Variants in SOHLH2 observed in about 807,000 individuals in gnomAD.
SOHLH2 encodes spermatogenesis and oogenesis specific basic helix-loop-helix 2.
Under a neutral mutation model 50.4 loss-of-function variants are expected in SOHLH2, and 22 were observed. The ratio of observed to expected loss-of-function variants is 0.44; its 90% confidence interval spans 0.31 to 0.62. The LOEUF is 0.62. Among genes scored for constraint, SOHLH2 ranks in the 20% least tolerant of loss-of-function variants. The pLI is 0.08. For synonymous variants in SOHLH2, 185 were observed against 187.3 expected (o/e 0.99, Z 0.10); for missense variants, 412 against 504.4 (o/e 0.82, Z 1.76).
At chr13:36,183,201 C>T in intron 6 of SOHLH2, 1 of 351,936 alleles carries the variant, frequency 2.8e-6, no homozygotes, top group South Asian at 2.2e-5. Context: ...GTACAGCCTG[C>T]AGAATCACGA....
intron 6 of SOHLH2, among the ~76,000 whole-genome samples, chr13:36,188,723 G>A (rs1887495150): frequency 6.6e-6 from 1 of 152,116 alleles, no homozygotes; most frequent in Non-Finnish European, 1.5e-5. Flanking sequence ...AACTCTTTGT[G>A]TTCCCCATGG....
rs1887583622 is a variant in SOHLH2, at chr13:36,191,853, G to A, written c.472C>T (p.Pro158Ser). 45 of 1,613,876 alleles carry A rather than the reference G, an allele frequency of 2.8e-5. No homozygotes were observed. The East Asian group carries it at 1.0e-3, about 36-fold the overall frequency. The change falls in exon 5 of 11, where the codon CCC becomes TCC. Residue 158 changes from proline to serine, a missense_variant. Transcript: ENST00000379881. The stretch of plus-strand genomic sequence containing the variant: ...TGTTCGCTGTAGGACCTCTGCAGGG[G>A]CAATCCAAGTTCTTCAGGCCCAGTT... ...NATGPEELGLPLQRSYSEHLG... is the reference protein window; with the variant it reads ...NATGPEELGLSLQRSYSEHLG...
At chr13:36,207,399 A>G (rs1269202755) in intron 1 of SOHLH2, among the ~76,000 whole-genome samples, 1 of 151,908 alleles carries the variant, frequency 6.6e-6, no homozygotes, top group Non-Finnish European at 1.5e-5. Flanking sequence ...TGAAATCCCT[A>G]ATTTTTATAC....
chr13:36,182,285 A>G, intron 6 of SOHLH2: 8 of 985,408 alleles, frequency 8.1e-6, no homozygotes, highest in Non-Finnish European at 9.6e-6. Context: ...CAAGAATCTG[A>G]AATTTGGGTT....
At chr13:36,188,356 C>T (rs990289952) in intron 6 of SOHLH2, among the ~76,000 whole-genome samples, 1 of 152,276 alleles carries the variant, frequency 6.6e-6, no homozygotes, top group Non-Finnish European at 1.5e-5. Flanking sequence ...TTCAAAACTT[C>T]TTTCTCTCTC....
intron 1 of SOHLH2, 100 bp downstream of exon 1, chr13:36,214,379 G>A (rs1408236069): frequency 7.1e-7 from 1 of 1,409,114 alleles, no homozygotes; most frequent in Non-Finnish European, 9.7e-7. Context: ...CCGACAATGA[G>A]AGCTCCCCAG....
At chr13:36,201,850 G>C in intron 2 of SOHLH2, 29 bp downstream of exon 2, 1 of 1,610,382 alleles carries the variant, frequency 6.2e-7, no homozygotes, top group South Asian at 1.1e-5. Flanking sequence ...TGATTCTAAA[G>C]ATACAGCATC....
At chr13:36,208,041 G>C (rs1868888454) in intron 1 of SOHLH2, among the ~76,000 whole-genome samples, 1 of 152,166 alleles carries the variant, frequency 6.6e-6, no homozygotes, top group Admixed American at 6.5e-5. Flanking sequence ...ACACTCAATG[G>C]AAAGGGACTA....
intron 1 of SOHLH2, among the ~76,000 whole-genome samples, chr13:36,204,885 T>C (rs1374236198): frequency 6.6e-6 from 1 of 152,192 alleles, no homozygotes; most frequent in African/African-American, 2.4e-5. Context: ...TAAATCTCCG[T>C]ATTTAGGAAG....
At chr13:36,199,795 T>A (rs1051685439) in intron 2 of SOHLH2, among the ~76,000 whole-genome samples, 2 of 152,172 alleles carry the variant, frequency 1.3e-5, no homozygotes, top group East Asian at 3.9e-4. Context: ...CACTCTTATC[T>A]TGTTCAAAAG....
chr13:36,178,937 C>T (rs1051737848), intron 6 of SOHLH2, among the ~76,000 whole-genome samples: 3 of 150,940 alleles, frequency 2.0e-5, no homozygotes, highest in African/African-American at 4.9e-5. Flanking sequence ...TATAAAATAC[C>T]ATTGATTTTT....
intron 6 of SOHLH2, among the ~76,000 whole-genome samples, chr13:36,186,429 C>T (rs1022492502): frequency 7.9e-5 from 12 of 152,156 alleles, no homozygotes; most frequent in Middle Eastern, 3.2e-3. Flanking sequence ...CTCAAACAAA[C>T]AAGGACTCAC....
At chr13:36,189,890 C>A in intron 6 of SOHLH2, 56 bp downstream of exon 6, 5 of 1,471,070 alleles carry the variant, frequency 3.4e-6, no homozygotes, top group Non-Finnish European at 4.6e-6. Flanking sequence ...TTATAAAATT[C>A]ATTAATTTCT....
intron 2 of SOHLH2, among the ~76,000 whole-genome samples, chr13:36,196,097 A>AAGACAGATAGAT (rs1555245207): frequency 6.9e-6 from 1 of 145,656 alleles, no homozygotes; most frequent in Admixed American, 6.9e-5. Flanking sequence ...GACAGACAGA[A>AAGACAGATAGAT]AGATAGATAG....
At chr13:36,190,788 T>C (rs901217706) in intron 5 of SOHLH2, among the ~76,000 whole-genome samples, 1 of 152,244 alleles carries the variant, frequency 6.6e-6, no homozygotes, top group East Asian at 1.9e-4. Flanking sequence ...TTCCAAAACC[T>C]TTCCCAACCC....
In SOHLH2 at chr13:36,204,712, GA is replaced by G. The variant is rs1362915174; in HGVS notation, c.49-2620del. Among the ~76,000 whole-genome samples the G allele has an allele frequency of 8.5e-5, 13 of 152,212 alleles. No homozygotes were observed. The East Asian group carries it at 2.5e-3, about 29-fold the overall frequency. ...CTCTTTATAGTGTGTTTTGATATTTGACAGAGCATGTTTCCCTGTTATTTTT... is the reference window on the plus strand; with the variant it reads ...CTCTTTATAGTGTGTTTTGATATTTGCAGAGCATGTTTCCCTGTTATTTTT... On this transcript the variant is annotated intron_variant, in intron 1 of 10. Transcript: ENST00000379881.
chr13:36,193,833 C>G lies in SOHLH2; in HGVS notation c.298G>C (p.Val100Leu). The change falls in exon 3 of 11, where the codon GTT (valine) becomes CTT (leucine). Residue 100 changes from valine to leucine, a missense_variant. Val to Leu is a conservative substitution (Grantham distance 32). Coordinates refer to ENST00000379881, the MANE Select transcript of SOHLH2 (RefSeq NM_017826.3). ...TTAAAATTTTCAGGGATTATAAAAA[C>G]AAACAGTGAATGTGTATTTTTCTTT... ...GKKKNTHSLF[V>L]FIIPENFKGC... is the part of the protein sequence containing the mutation. 6.2e-7 allele frequency: 1 copy of G among 1,602,808 alleles called. No homozygotes were observed. The highest frequency in any genetic ancestry group is 2.3e-5 in the East Asian group (1 of 44,414).
intron 2 of SOHLH2, among the ~76,000 whole-genome samples, chr13:36,196,093 C>A (rs1300562987): frequency 9.2e-6 from 1 of 109,162 alleles, no homozygotes; most frequent in African/African-American, 4.3e-5. Flanking sequence ...TTTAGACAGA[C>A]AGAAAGATAG....
intron 2 of SOHLH2, among the ~76,000 whole-genome samples, chr13:36,199,495 T>C (rs3790014): frequency 0.43 from 65,751 of 152,082 alleles, 14,268 homozygotes; most frequent in South Asian, 0.46. Flanking sequence ...GTGTTGGGAA[T>C]AGTGCAACAG....
Sources: gnomAD v4.1 joint callset for allele counts (sites outside exome capture counted in the v4.1 genomes callset) on GRCh38, gnomAD v4.1.1 for gene constraint, MANE v1.5 for transcripts, NCBI Gene and HGNC (gene_info 2026-07-23, HGNC 2026-07-21) for gene names.